Variants in PTPRS observed in about 807,000 individuals in gnomAD.
PTPRS encodes the protein receptor-type tyrosine-protein phosphatase S.
In PTPRS, 63 loss-of-function variants were observed where a neutral mutation model predicts 215.3. That is an observed-to-expected ratio of 0.29 (90% confidence interval 0.24 to 0.36). The LOEUF (loss-of-function observed/expected upper bound fraction) is 0.36. Among genes scored for constraint, PTPRS ranks in the 10% least tolerant of loss-of-function variants. The pLI is 1.00. For synonymous variants in PTPRS, 1,404 were observed against 1,191.4 expected (o/e 1.18, Z -3.68); for missense variants, 2,258 against 2,825.8 (o/e 0.80, Z 4.56).
intron 1 of PTPRS, among the ~76,000 whole-genome samples, chr19:5,340,304 G>C (rs2147351044): frequency 6.7e-6 from 1 of 150,012 alleles, no homozygotes; most frequent in Non-Finnish European, 1.5e-5. Flanking sequence ...CCTCTGCCCC[G>C]CCCGCAGCCC....
At chr19:5,215,756 T>C (rs2041379027) in intron 26 of PTPRS, among the ~76,000 whole-genome samples, 161 bp from the exon 27 acceptor site, 1 of 151,990 alleles carries the variant, frequency 6.6e-6, no homozygotes, top group Non-Finnish European at 1.5e-5. Context: ...TCAGGGTGGC[T>C]CATGAAGGGG....
intron 9 of PTPRS, among the ~76,000 whole-genome samples, chr19:5,252,497 A>G (rs2045199370): frequency 1.3e-5 from 2 of 149,074 alleles, no homozygotes; most frequent in African/African-American, 4.9e-5. Context: ...GAATCACTTG[A>G]ACCCAGGAGG....
In PTPRS at chr19:5,206,160, A is replaced by G. The variant is rs1488613446; in HGVS notation, c.*614T>C. On this transcript the variant is annotated 3_prime_UTR_variant, in exon 38 of 38. Transcript: ENST00000262963. Reference sequence around the variant, plus strand: ...ACACAAGGACGCTTTCTACAGTGAAAAAATAGACTGTCTTTGAACAGAATA... The same window carrying G: ...ACACAAGGACGCTTTCTACAGTGAAGAAATAGACTGTCTTTGAACAGAATA... Among the ~76,000 whole-genome samples, 2 of 151,986 alleles carry G rather than the reference A, an allele frequency of 1.3e-5. No individual in the cohort carries two copies. The highest frequency in any genetic ancestry group is 2.9e-5 in the Non-Finnish European group (2 of 68,004).
rs1021181240 is a variant in PTPRS, at chr19:5,221,230, C to T, written c.3225G>A (p.Leu1075=). 6.2e-7 allele frequency: 1 copy of T among 1,613,524 alleles called. No individual in the cohort carries two copies. Among genetic ancestry groups the T allele is most frequent in the Non-Finnish European group, 8.5e-7 (1 of 1,179,718 alleles). ...PYKIQYNGLT[L]DVDGRTTKKL... ...TCTTGGTGGTACGGCCATCCACATC[C>T]AGTGTGAGCCCATTGTACTGGATCT... Residue 1075 remains leucine (L), a synonymous_variant, in exon 20 of 38, where the codon CTG becomes CTA. Transcript: ENST00000262963.
chr19:5,324,248 AAAAG>A (rs1244314818), intron 1 of PTPRS, among the ~76,000 whole-genome samples: 8 of 142,732 alleles, frequency 5.6e-5, no homozygotes, highest in South Asian at 4.3e-4. Context: ...AAAAAAAAAA[AAAAG>A]AAAGAAAAAA....
chr19:5,216,677 G>A, intron 26 of PTPRS, 43 bp downstream of exon 26: 1 of 1,453,624 alleles, frequency 6.9e-7, no homozygotes, highest in Non-Finnish European at 9.5e-7. Flanking sequence ...AAATGAACGG[G>A]GGCGGGGGCG....
intron 1 of PTPRS, 198 bp from the exon 2 acceptor site, chr19:5,286,432 C>T: frequency 2.3e-6 from 1 of 430,700 alleles, no homozygotes; most frequent in South Asian, 2.5e-5. Context: ...GTCTCCCCCA[C>T]AAAAAATCAT....
chr19:5,257,903 C>A lies in PTPRS; in HGVS notation c.706+114G>T, dbSNP rs1599743007. The A allele has an allele frequency of 1.2e-6, 1 of 852,034 alleles. No homozygotes were observed. The highest frequency in any genetic ancestry group is 2.5e-5 in the East Asian group (1 of 40,126). The allele number at this position is 852,034 out of a possible 1,614,324, so 52.8% of individuals were successfully genotyped here. A position where few individuals can be genotyped will look rare whatever the true frequency, so the allele number is the denominator to read the frequency against. ...AGGTCCCACCGCGACCGGGGAGGGG[C>A]CTTCCTGCTTGGGTGTGCAGGGGAC... On this transcript the variant is annotated intron_variant, in intron 8 of 37. Transcript: ENST00000262963. The surrounding 1 kb of genome is among the most constrained non-coding windows in gnomAD (Gnocchi z 4.4).
chr19:5,237,658 G>A lies in PTPRS; in HGVS notation c.1849+1261C>T, dbSNP rs998274529. Reference sequence around the variant, plus strand: ...GGCGGGGGGGCACGCGGGGTGGGCCGTTTTTGTGAACCTGCTTGAGACCAG... The same window carrying A: ...GGCGGGGGGGCACGCGGGGTGGGCCATTTTTGTGAACCTGCTTGAGACCAG... On this transcript the variant is annotated intron_variant, in intron 13 of 37. Coordinates refer to ENST00000262963, the MANE Select transcript of PTPRS (RefSeq NM_002850.4). This position sits in a 1 kb window ranked among gnomAD's most constrained non-coding sequence, Gnocchi z 4.2. Among the ~76,000 whole-genome samples, 3 of 152,092 alleles carry A rather than the reference G, an allele frequency of 2.0e-5. No homozygotes were observed. Among genetic ancestry groups the A allele is most frequent in the Non-Finnish European group, 2.9e-5 (2 of 68,004 alleles).
intron 13 of PTPRS, among the ~76,000 whole-genome samples, 159 bp downstream of exon 13, chr19:5,238,760 G>A (rs73545303): frequency 0.2 from 29,747 of 152,272 alleles, 3,963 homozygotes; most frequent in African/African-American, 0.38. Flanking sequence ...GGCACAGCGC[G>A]GGTAGATGGA....
intron 36 of PTPRS, 38 bp from the exon 37 acceptor site, chr19:5,208,095 G>A: frequency 6.2e-7 from 1 of 1,600,692 alleles, no homozygotes; most frequent in Non-Finnish European, 8.5e-7. Context: ...TTCAGGGGCA[G>A]GTGCTGGGGA....
rs1238646241 is a variant in PTPRS, at chr19:5,293,426, G to C, written c.-94-7192C>G. 6.6e-6 allele frequency among the ~76,000 whole-genome samples: 1 copy of C among 151,968 alleles called. No individual in the cohort carries two copies. Among genetic ancestry groups the C allele is most frequent in the Non-Finnish European group, 1.5e-5 (1 of 67,932 alleles). On this transcript the variant is annotated intron_variant, in intron 1 of 37. Transcript: ENST00000262963. This position sits in a 1 kb window ranked among gnomAD's most constrained non-coding sequence, Gnocchi z 8.4. ...GGGGACCAGAGGGGAGCCCCATCTG[G>C]AGGCGCGGAGAGCCTCCGCAGGAGT... is the stretch of plus-strand genomic sequence containing the variant.
intron 3 of PTPRS, 142 bp downstream of exon 3, chr19:5,274,057 G>C: frequency 8.3e-7 from 1 of 1,199,370 alleles, no homozygotes; most frequent in East Asian, 2.6e-5. Flanking sequence ...GCCCTGGCTG[G>C]AGGCTGCGCA....
intron 1 of PTPRS, among the ~76,000 whole-genome samples, chr19:5,320,525 G>T (rs554632590): frequency 6.6e-6 from 1 of 152,260 alleles, no homozygotes; most frequent in East Asian, 1.9e-4. Flanking sequence ...TGCCTCAAAC[G>T]ATTCTCCTGC....
chr19:5,215,674 G>GT, intron 26 of PTPRS, 79 bp from the exon 27 acceptor site: 1 of 1,012,128 alleles, frequency 9.9e-7, no homozygotes, highest in South Asian at 1.5e-5. Context: ...GGTGATCTAC[G>GT]TGTGAGTCTG....
chr19:5,307,977 G>A lies in PTPRS; in HGVS notation c.-94-21743C>T, dbSNP rs565381085. On this transcript the variant is annotated intron_variant, in intron 1 of 37. Transcript: ENST00000262963. ...ATCATCCGGCCGGCAAAGCTGGAAAGATTTACAAGGTGGTCCTTTATGGAA... is the reference window on the plus strand; with the variant it reads ...ATCATCCGGCCGGCAAAGCTGGAAAAATTTACAAGGTGGTCCTTTATGGAA... Among the ~76,000 whole-genome samples, 3 of 152,312 alleles carry A rather than the reference G, an allele frequency of 2.0e-5. No homozygotes were observed. The South Asian group carries it at 6.2e-4, about 32-fold the overall frequency.
intron 19 of PTPRS, 126 bp from the exon 20 acceptor site, chr19:5,221,379 TC>T: frequency 7.8e-7 from 1 of 1,284,874 alleles, no homozygotes; most frequent in Non-Finnish European, 1.0e-6. Context: ...TAGGCAGAAA[TC>T]TAACACTGAC....
chr19:5,292,396 C>G (rs748270534), intron 1 of PTPRS, among the ~76,000 whole-genome samples: 2 of 152,156 alleles, frequency 1.3e-5, no homozygotes, highest in Non-Finnish European at 2.9e-5. Context: ...AAGGAACAGA[C>G]AGCTGAGGCC....
intron 1 of PTPRS, among the ~76,000 whole-genome samples, chr19:5,326,749 G>C (rs112085029): frequency 5.4e-4 from 79 of 146,864 alleles, no homozygotes; most frequent in African/African-American, 1.9e-3. Flanking sequence ...AAGAGAAAAT[G>C]AGGGAGAAGG....
Sources: gnomAD v4.1 joint callset for allele counts (sites outside exome capture counted in the v4.1 genomes callset) on GRCh38, gnomAD v4.1.1 for gene constraint, Gnocchi (gnomAD v3.1) non-coding constraint, MANE v1.5 for transcripts, NCBI Gene and HGNC (gene_info 2026-07-23, HGNC 2026-07-21) for gene names.